CDH12: variants seen among roughly 807,000 people sequenced by gnomAD.
CDH12 encodes cadherin 12.
CDH12 carries 41 observed loss-of-function variants against 74.1 expected under a neutral mutation model. The ratio of observed to expected loss-of-function variants is 0.55; its 90% confidence interval spans 0.43 to 0.72. The LOEUF is 0.72. Among genes scored for constraint, CDH12 ranks in the 30% least tolerant of loss-of-function variants. The pLI, the probability that CDH12 is intolerant of heterozygous loss-of-function variation, is 0.00. For missense variants in CDH12, 945 were observed against 977.2 expected, an observed-to-expected ratio of 0.97 and a Z score of 0.44; for synonymous variants, 399 against 355.0, an observed-to-expected ratio of 1.12 and a Z score of -1.39.
intron 1 of CDH12, among the ~76,000 whole-genome samples, chr5:22,757,571 A>G (rs137927743): frequency 4.9e-4 from 75 of 152,354 alleles, no homozygotes; most frequent in Non-Finnish European, 1.0e-3. Context: ...TTTCATTAAA[A>G]GAAAAAAAGA....
intron 8 of CDH12, among the ~76,000 whole-genome samples, chr5:21,823,716 T>C (rs1748499902): frequency 6.6e-6 from 1 of 152,086 alleles, no homozygotes; most frequent in South Asian, 2.1e-4. Context: ...CTCCCTTTAC[T>C]ACTTCCTTTC....
chr5:22,602,539 C>T (rs186823911), intron 1 of CDH12, among the ~76,000 whole-genome samples: 3 of 152,000 alleles, frequency 2.0e-5, no homozygotes, highest in Admixed American at 1.3e-4. Context: ...AATCAAGCCT[C>T]GTATAGAATG....
intron 1 of CDH12, among the ~76,000 whole-genome samples, chr5:22,720,324 T>C (rs747225728): frequency 2.0e-5 from 3 of 152,190 alleles, no homozygotes; most frequent in Non-Finnish European, 4.4e-5. Context: ...CCTATCACTT[T>C]GTGAAGAAGA....
In CDH12 at chr5:22,587,847, G is replaced by GATAT. The variant is rs371114068; in HGVS notation, c.-522-82487_-522-82484dup. On this transcript the variant is annotated intron_variant, in intron 1 of 14. Coordinates refer to ENST00000382254, the MANE Select transcript of CDH12 (RefSeq NM_004061.5). ...TTTTATAGAGAACTTTTTTGGTGGAGATATATATATATATATACATATATA... is the reference window on the plus strand; with the variant it reads ...TTTTATAGAGAACTTTTTTGGTGGAGATATATATATATATATATATACATATATA... Among the ~76,000 whole-genome samples, 213 of 145,260 alleles carry GATAT rather than the reference G, an allele frequency of 1.5e-3. 2 individuals carry two copies. The East Asian group carries it at 0.035, about 24-fold the overall frequency.
At chr5:22,304,255 C>T (rs142946880) in intron 3 of CDH12, among the ~76,000 whole-genome samples, 1 of 152,088 alleles carries the variant, frequency 6.6e-6, no homozygotes, top group Non-Finnish European at 1.5e-5. Flanking sequence ...GCATGGTCAC[C>T]TTGGCTACAG....
At chr5:21,995,522 A>G (rs1033358682) in intron 5 of CDH12, among the ~76,000 whole-genome samples, 1 of 151,912 alleles carries the variant, frequency 6.6e-6, no homozygotes, top group Non-Finnish European at 1.5e-5. Context: ...ATTTTTTAAA[A>G]CAGGGGATTT....
At chr5:22,271,409 T>C (rs1420808530) in intron 3 of CDH12, among the ~76,000 whole-genome samples, 2 of 152,206 alleles carry the variant, frequency 1.3e-5, no homozygotes, top group Non-Finnish European at 2.9e-5. Flanking sequence ...ACTTTCTCCA[T>C]GGAAGTATTG....
At chr5:21,773,816 C>CT (rs202195604) in intron 11 of CDH12, among the ~76,000 whole-genome samples, 1 of 151,996 alleles carries the variant, frequency 6.6e-6, no homozygotes, top group South Asian at 2.1e-4. Flanking sequence ...TCTTTATTTC[C>CT]TTTTTTTCTT....
chr5:22,298,014 T>C (rs1737704824), intron 3 of CDH12, among the ~76,000 whole-genome samples: 1 of 151,800 alleles, frequency 6.6e-6, no homozygotes, highest in Non-Finnish European at 1.5e-5. Flanking sequence ...TTGCTTTTAA[T>C]AGCATTTAGT....
At chr5:22,484,638 T>C (rs1489919889) in intron 2 of CDH12, among the ~76,000 whole-genome samples, 1 of 152,172 alleles carries the variant, frequency 6.6e-6, no homozygotes, top group African/African-American at 2.4e-5. Context: ...ACAATATATG[T>C]ACTAAATCAG....
intron 3 of CDH12, among the ~76,000 whole-genome samples, chr5:22,323,304 T>C (rs909252827): frequency 6.6e-6 from 1 of 152,106 alleles, no homozygotes; most frequent in South Asian, 2.1e-4. Flanking sequence ...AATTAAAATT[T>C]ATATTAGATA....
intron 4 of CDH12, among the ~76,000 whole-genome samples, chr5:22,148,114 C>G (rs890093160): frequency 2.0e-5 from 3 of 152,140 alleles, no homozygotes; most frequent in African/African-American, 7.2e-5. Context: ...TTCTTCACGA[C>G]CACCTACAAA....
At chr5:22,447,500 G>T (rs1409485766) in intron 2 of CDH12, among the ~76,000 whole-genome samples, 2 of 152,048 alleles carry the variant, frequency 1.3e-5, no homozygotes. Context: ...TATTTAATCA[G>T]TGGAGACAGT....
intron 4 of CDH12, among the ~76,000 whole-genome samples, chr5:22,145,868 G>T (rs904924179): frequency 6.6e-6 from 1 of 152,020 alleles, no homozygotes; most frequent in African/African-American, 2.4e-5. Context: ...TGAGAATATA[G>T]AAATTTCTGA....
Position 22,435,490 on chromosome 5 carries a change from G to A in CDH12, c.-427-30139C>T, listed in dbSNP as rs548322559. ...TGTACACACACATATATATGTATGTGTATATATATGTGTGTGTGTGTGTGT... is the reference window on the plus strand; with the variant it reads ...TGTACACACACATATATATGTATGTATATATATATGTGTGTGTGTGTGTGT... On this transcript the variant is annotated intron_variant, in intron 2 of 14. Coordinates refer to ENST00000382254, the MANE Select transcript of CDH12 (RefSeq NM_004061.5). Among the ~76,000 whole-genome samples the A allele has an allele frequency of 1.8e-3, 162 of 89,622 alleles. 1 individual carries two copies. The highest frequency in any genetic ancestry group is 3.3e-4 in the Non-Finnish European group (15 of 45,106). The allele number at this position is 89,622 out of a possible 152,430, so 58.8% of individuals were successfully genotyped here. A position where few individuals can be genotyped will look rare whatever the true frequency, so the allele number is the denominator to read the frequency against.
At chr5:22,667,914 G>A (rs1740701716) in intron 1 of CDH12, among the ~76,000 whole-genome samples, 1 of 152,142 alleles carries the variant, frequency 6.6e-6, no homozygotes, top group Non-Finnish European at 1.5e-5. Flanking sequence ...GGAAATAAAT[G>A]TGCTTAATAT....
intron 3 of CDH12, among the ~76,000 whole-genome samples, chr5:22,333,832 A>T (rs538697610): frequency 1.3e-5 from 2 of 152,232 alleles, no homozygotes; most frequent in Non-Finnish European, 2.9e-5. Context: ...TTCAACATAC[A>T]CAAATAAATC....
chr5:21,945,558 A>C (rs1755540618), intron 6 of CDH12, among the ~76,000 whole-genome samples: 1 of 151,684 alleles, frequency 6.6e-6, no homozygotes, highest in African/African-American at 2.4e-5. Flanking sequence ...TAAAAGTTAA[A>C]ATTAAAAGTA....
chr5:22,280,296 C>G (rs1490363573), intron 3 of CDH12, among the ~76,000 whole-genome samples: 2 of 152,096 alleles, frequency 1.3e-5, no homozygotes, highest in Non-Finnish European at 2.9e-5. Context: ...GACACCCTAA[C>G]ATCACAATTA....
Sources: gnomAD v4.1 joint callset for allele counts (sites outside exome capture counted in the v4.1 genomes callset) on GRCh38, gnomAD v4.1.1 for gene constraint, MANE v1.5 for transcripts, NCBI Gene and HGNC (gene_info 2026-07-23, HGNC 2026-07-21) for gene names.